The following DNM2 variants were observed in gnomAD, a reference collection of about 807,000 sequenced individuals.
DNM2 encodes dynamin-2.
In DNM2, 15 loss-of-function variants were observed where a neutral mutation model predicts 99.0. The observed-to-expected ratio is 0.15, with a 90% CI of 0.10 to 0.23. The LOEUF is 0.23. DNM2 is among the 10% of genes least tolerant of loss of function. DNM2 has a pLI of 1.00. For synonymous variants in DNM2, 525 were observed against 481.2 expected (o/e 1.09, Z -1.19); for missense variants, 742 against 1,189.4 (o/e 0.62, Z 5.53).
At position 10,796,052 on chromosome 19, in the gene DNM2, C is replaced by G. The variant is rs530195152; in HGVS notation, c.1196+613C>G. On this transcript the variant is annotated intron_variant, in intron 9 of 20. Transcript: ENST00000389253. This position sits in a 1 kb window ranked among gnomAD's most constrained non-coding sequence, Gnocchi z 5.6. ...TATCTCCCCTGCCCCCGGGTCTGGA[C>G]GGTTTCAGGACCGGGCTTTTCACCC... 2 of 1,613,160 alleles carry G rather than the reference C, an allele frequency of 1.2e-6. No individual in the cohort carries two copies. The highest frequency in any genetic ancestry group is 2.7e-5 in the African/African-American group (2 of 74,898).
intron 8 of DNM2, among the ~76,000 whole-genome samples, chr19:10,794,344 CGTGTGTGTGTGT>C (rs58263525): frequency 2.3e-4 from 33 of 141,614 alleles, no homozygotes; most frequent in Non-Finnish European, 3.6e-4. Flanking sequence ...CTTCTTTTTC[CGTGTGTGTGTGT>C]GTGTGTGTGT....
At chr19:10,751,424 C>T (rs181170688) in intron 1 of DNM2, among the ~76,000 whole-genome samples, 230 of 152,212 alleles carry the variant, frequency 1.5e-3, no homozygotes, top group Non-Finnish European at 2.4e-3. Flanking sequence ...AAGTAGATGA[C>T]GGAGGCTGGA....
At chr19:10,726,677 A>G (rs1409061486) in intron 1 of DNM2, among the ~76,000 whole-genome samples, 4 of 152,182 alleles carry the variant, frequency 2.6e-5, no homozygotes, top group African/African-American at 7.2e-5. Context: ...CAGCCTGGCC[A>G]ACATGGTGAA....
chr19:10,729,867 AT>A (rs766188774), intron 1 of DNM2, among the ~76,000 whole-genome samples: 595 of 140,168 alleles, frequency 4.2e-3, no homozygotes, highest in Non-Finnish European at 3.8e-3. Context: ...ATGGGTGGTT[AT>A]TTTTTTTTTT....
At chr19:10,781,460 GA>G (rs1299105415) in intron 5 of DNM2, 1 of 74,028 alleles carries the variant, frequency 1.4e-5, no homozygotes, top group Non-Finnish European at 2.8e-5. Flanking sequence ...TGCTTCTCAA[GA>G]GAAACATGCA....
chr19:10,795,886 G>T lies in DNM2; in HGVS notation c.1196+447G>T, dbSNP rs925362032. The T allele has an allele frequency of 2.0e-6, 2 of 1,006,750 alleles. No individual in the cohort carries two copies. Among genetic ancestry groups the T allele is most frequent in the South Asian group, 1.3e-5 (1 of 75,894 alleles). The allele number at this position is 1,006,750 out of a possible 1,614,324, so 62.4% of individuals were successfully genotyped here. ...TCCAGGTGTCTGCCCTTCCATCGCCGTGGGGTCCTCGGGTCACCCTGAGGG... is the reference window on the plus strand; with the variant it reads ...TCCAGGTGTCTGCCCTTCCATCGCCTTGGGGTCCTCGGGTCACCCTGAGGG... On this transcript the variant is annotated intron_variant, in intron 9 of 20. Coordinates refer to ENST00000389253, the MANE Select transcript of DNM2 (RefSeq NM_001005361.3). The surrounding 1 kb of genome is among the most constrained non-coding windows in gnomAD (Gnocchi z 4.2).
intron 10 of DNM2, 48 bp downstream of exon 10, chr19:10,797,566 C>G: frequency 6.2e-7 from 1 of 1,613,314 alleles, no homozygotes; most frequent in Non-Finnish European, 8.5e-7. Context: ...TCCTCCCCCT[C>G]CATGTGTTAG....
chr19:10,812,192 C>A lies in DNM2; in HGVS notation c.1558-72C>A. 7.3e-7 allele frequency: 1 copy of A among 1,376,576 alleles called. No homozygotes were observed. The allele number at this position is 1,376,576 out of a possible 1,614,324, so 85.3% of individuals were successfully genotyped here. A position where few individuals can be genotyped will look rare whatever the true frequency, so the allele number is the denominator to read the frequency against. ...CCCTGGCTTCCCACTGAGCTGTGGGCAAGGCTGCTGCGCTGGGGGATGGCT... is the reference window on the plus strand; with the variant it reads ...CCCTGGCTTCCCACTGAGCTGTGGGAAAGGCTGCTGCGCTGGGGGATGGCT... On this transcript the variant is annotated intron_variant, in intron 14 of 20. Coordinates refer to ENST00000389253, the MANE Select transcript of DNM2 (RefSeq NM_001005361.3). The surrounding 1 kb of genome is among the most constrained non-coding windows in gnomAD (Gnocchi z 4.0).
chr19:10,761,576 G>T (rs1286130881), intron 2 of DNM2, among the ~76,000 whole-genome samples: 1 of 152,126 alleles, frequency 6.6e-6, no homozygotes, highest in East Asian at 1.9e-4. Context: ...CTCAGTTTGT[G>T]TTAATGTCTT....
chr19:10,787,236 G>A lies in DNM2; in HGVS notation c.992+530G>A, dbSNP rs915028283. ...GTAATCCCCGTACTTTTGGGAGGCC[G>A]AGGCGAGCGGATCATGTCAGGAGAT... On this transcript the variant is annotated intron_variant, in intron 7 of 20. Transcript: ENST00000389253. Among the ~76,000 whole-genome samples the A allele has an allele frequency of 3.3e-5, 5 of 151,944 alleles. 1 individual carries two copies. Among genetic ancestry groups the A allele is most frequent in the African/African-American group, 4.8e-5 (2 of 41,368 alleles).
intron 1 of DNM2, among the ~76,000 whole-genome samples, chr19:10,738,992 C>T (rs2069637596): frequency 6.6e-6 from 1 of 151,976 alleles, no homozygotes; most frequent in Admixed American, 6.6e-5. Context: ...CACGGTGAAA[C>T]CCCGTCTCTA....
chr19:10,763,496 G>A (rs4239548), intron 2 of DNM2: 143,085 of 152,450 alleles, frequency 0.94, 67,387 homozygotes, highest in East Asian at 1. Flanking sequence ...GAGCCCCTGC[G>A]CCCGACCAGG....
intron 1 of DNM2, among the ~76,000 whole-genome samples, chr19:10,728,352 G>A (rs185769596): frequency 1.3e-5 from 2 of 152,330 alleles, no homozygotes; most frequent in Non-Finnish European, 2.9e-5. Context: ...CAGGGAGGAG[G>A]ACAGAGGAGT....
At position 10,774,165 on chromosome 19, in the gene DNM2, T is replaced by G. The variant is rs537822720; in HGVS notation, c.385+1537T>G. The stretch of plus-strand genomic sequence containing the variant: ...GATGACAATGCAAACATGAGCTGGG[T>G]GTGGTTTCACACACCTGTCATTCAA... On this transcript the variant is annotated intron_variant, in intron 3 of 20. Coordinates refer to ENST00000389253, the MANE Select transcript of DNM2 (RefSeq NM_001005361.3). Among the ~76,000 whole-genome samples, 5 of 152,304 alleles carry G rather than the reference T, an allele frequency of 3.3e-5. No homozygotes were observed. In the East Asian group the frequency reaches 9.6e-4, roughly 29 times the overall value.
chr19:10,807,388 C>T (rs1056523769), intron 13 of DNM2, among the ~76,000 whole-genome samples: 11 of 151,824 alleles, frequency 7.2e-5, no homozygotes, highest in Non-Finnish European at 1.5e-4. Flanking sequence ...TACAGGCGCC[C>T]GCCAGCACGC....
chr19:10,759,469 A>G (rs2081175257), intron 1 of DNM2, among the ~76,000 whole-genome samples: 1 of 152,088 alleles, frequency 6.6e-6, no homozygotes, highest in African/African-American at 2.4e-5. Flanking sequence ...CATGCCAGGG[A>G]ATGGGCCCCC....
intron 1 of DNM2, among the ~76,000 whole-genome samples, chr19:10,729,188 A>AAT (rs1437585359): frequency 1.5e-4 from 22 of 147,446 alleles, no homozygotes; most frequent in East Asian, 5.9e-4. Flanking sequence ...AAAAAAAAAA[A>AAT]AATATAAAAA....
Position 10,765,180 on chromosome 19 carries a change from G to T in DNM2, c.235+5369G>T, listed in dbSNP as rs549733353. On this transcript the variant is annotated intron_variant, in intron 2 of 20. Coordinates refer to ENST00000389253, the MANE Select transcript of DNM2 (RefSeq NM_001005361.3). This position sits in a 1 kb window ranked among gnomAD's most constrained non-coding sequence, Gnocchi z 4.4. ...TCACCGTGTTAGCCAGGATGGTCTC[G>T]ATCTCCTGACCTCGTGATCCGCCCA... Among the ~76,000 whole-genome samples the T allele has an allele frequency of 1.3e-5, 2 of 151,934 alleles. No homozygotes were observed.
chr19:10,787,447 G>T (rs1473369315), intron 7 of DNM2, among the ~76,000 whole-genome samples: 1 of 150,674 alleles, frequency 6.6e-6, no homozygotes, highest in Non-Finnish European at 1.5e-5. Context: ...CTCCAGCCTG[G>T]GCATCAGAGT....
Sources: allele counts gnomAD v4.1 joint callset (sites outside exome capture counted in the v4.1 genomes callset), GRCh38; gene constraint gnomAD v4.1.1; non-coding constraint Gnocchi (gnomAD v3.1); transcripts MANE v1.5; gene names NCBI Gene and HGNC (gene_info 2026-07-23, HGNC 2026-07-21).